CDH13: variants seen among roughly 807,000 people sequenced by gnomAD.
CDH13 encodes cadherin-13.
Under a neutral mutation model 63.8 loss-of-function variants are expected in CDH13, and 24 were observed. The observed-to-expected ratio is 0.38, with a 90% CI of 0.27 to 0.53. The LOEUF is 0.53. CDH13 is among the 20% of genes least tolerant of loss of function. The pLI, the probability that CDH13 is intolerant of heterozygous loss-of-function variation, is 0.85. For synonymous variants in CDH13, 503 were observed against 355.3 expected (o/e 1.42, Z -4.67); for missense variants, 1,049 against 903.1 (o/e 1.16, Z -2.07).
intron 8 of CDH13, among the ~76,000 whole-genome samples, chr16:83,617,660 A>G (rs1909408323): frequency 6.6e-6 from 1 of 151,402 alleles, no homozygotes; most frequent in African/African-American, 2.4e-5. Flanking sequence ...ACATATCCTA[A>G]TTTGCACATA....
chr16:83,218,025 A>G (rs2039591505), intron 5 of CDH13, among the ~76,000 whole-genome samples: 1 of 152,214 alleles, frequency 6.6e-6, no homozygotes, highest in Admixed American at 6.5e-5. Flanking sequence ...AAAACAACAT[A>G]CAGACACATA....
At chr16:83,055,665 A>C (rs1255715442) in intron 3 of CDH13, among the ~76,000 whole-genome samples, 1 of 152,074 alleles carries the variant, frequency 6.6e-6, no homozygotes, top group Admixed American at 6.5e-5. Context: ...ATTCCACCAA[A>C]CTTTTAAAGA....
intron 5 of CDH13, among the ~76,000 whole-genome samples, chr16:83,260,714 C>G (rs1906885539): frequency 1.3e-5 from 2 of 152,158 alleles, no homozygotes; most frequent in African/African-American, 4.8e-5. Context: ...CACCGACAGC[C>G]CCATCCAGTA....
intron 1 of CDH13, among the ~76,000 whole-genome samples, chr16:82,638,398 C>A (rs1441849638): frequency 1.3e-5 from 2 of 152,202 alleles, no homozygotes; most frequent in Non-Finnish European, 1.5e-5. Context: ...CATTTCCCTC[C>A]TTTTCTGTTT....
At chr16:82,797,148 A>G (rs553460251) in intron 1 of CDH13, among the ~76,000 whole-genome samples, 29 of 152,172 alleles carry the variant, frequency 1.9e-4, no homozygotes, top group Non-Finnish European at 4.1e-4. Flanking sequence ...ATAATGTTCA[A>G]TAGTTTTTCC....
chr16:83,349,839 T>A (rs1248882874), intron 6 of CDH13, among the ~76,000 whole-genome samples: 1 of 152,166 alleles, frequency 6.6e-6, no homozygotes, highest in African/African-American at 2.4e-5. Context: ...GACCTCAGGT[T>A]ATCCGCCCAC....
intron 6 of CDH13, among the ~76,000 whole-genome samples, chr16:83,390,827 G>A (rs906631507): frequency 6.6e-6 from 1 of 152,182 alleles, no homozygotes; most frequent in Non-Finnish European, 1.5e-5. Flanking sequence ...AGCAGGAGAA[G>A]GAAGAGCCTC....
intron 6 of CDH13, among the ~76,000 whole-genome samples, chr16:83,450,030 C>A (rs1164785004): frequency 6.6e-6 from 1 of 152,218 alleles, no homozygotes; most frequent in African/African-American, 2.4e-5. Flanking sequence ...CCGGGCCCAG[C>A]TGCTCATCAC....
At chr16:83,553,042 G>A (rs1211663965) in intron 7 of CDH13, among the ~76,000 whole-genome samples, 4 of 149,350 alleles carry the variant, frequency 2.7e-5, no homozygotes, top group South Asian at 2.1e-4. Context: ...TCGCGTCACT[G>A]CACCGTAGCC....
intron 7 of CDH13, among the ~76,000 whole-genome samples, chr16:83,505,152 T>G (rs1216685575): frequency 3.3e-5 from 5 of 152,204 alleles, no homozygotes; most frequent in Non-Finnish European, 7.3e-5. Flanking sequence ...TTGAATTTGG[T>G]GCTCTTATTT....
At chr16:82,951,766 T>C (rs1353267262) in intron 2 of CDH13, among the ~76,000 whole-genome samples, 2 of 152,134 alleles carry the variant, frequency 1.3e-5, no homozygotes, top group Admixed American at 6.5e-5. Context: ...CCTGGGGATT[T>C]TGATGAATAT....
chr16:83,486,379 G>A lies in CDH13; in HGVS notation c.782-98G>A, dbSNP rs1425679292. On this transcript the variant is annotated intron_variant, in intron 6 of 13. Transcript: ENST00000567109. ...TCTTTTTTAATTTGGAAAGTGATGG[G>A]CACACTGCTGCACTGCTATTGCCCA... is the stretch of plus-strand genomic sequence containing the variant. The A allele has an allele frequency of 5.6e-6, 5 of 899,166 alleles. No homozygotes were observed. The African/African-American group carries it at 6.6e-5, about 12-fold the overall frequency. The allele number at this position is 899,166 out of a possible 1,614,324, so 55.7% of individuals were successfully genotyped here. A position where few individuals can be genotyped will look rare whatever the true frequency, so the allele number is the denominator to read the frequency against.
chr16:83,317,840 C>T (rs1335054189), intron 5 of CDH13, among the ~76,000 whole-genome samples: 1 of 151,838 alleles, frequency 6.6e-6, no homozygotes, highest in Non-Finnish European at 1.5e-5. Context: ...CACATCAATG[C>T]TCCCCACTCC....
At chr16:82,879,934 T>C (rs1042540664) in intron 2 of CDH13, among the ~76,000 whole-genome samples, 13 of 130,202 alleles carry the variant, frequency 1.0e-4, no homozygotes, top group South Asian at 5.5e-4. Flanking sequence ...TAGAAATATA[T>C]AATATATATT....
chr16:83,688,329 C>T (rs966038877), intron 10 of CDH13, among the ~76,000 whole-genome samples: 3 of 152,216 alleles, frequency 2.0e-5, no homozygotes, highest in African/African-American at 7.2e-5. Context: ...CTGGCATTCT[C>T]AGAAACACAG....
chr16:83,352,735 A>G (rs900602001), intron 6 of CDH13, among the ~76,000 whole-genome samples: 1 of 152,144 alleles, frequency 6.6e-6, no homozygotes, highest in African/African-American at 2.4e-5. Context: ...CTAAAAATAC[A>G]AAAAATTAGC....
At chr16:82,734,696 C>T (rs1345570185) in intron 1 of CDH13, among the ~76,000 whole-genome samples, 2 of 152,222 alleles carry the variant, frequency 1.3e-5, no homozygotes, top group Non-Finnish European at 1.5e-5. Context: ...AGACCAATGG[C>T]AACCTTGGCC....
At chr16:83,068,227 T>C (rs1045306619) in intron 3 of CDH13, among the ~76,000 whole-genome samples, 1 of 152,194 alleles carries the variant, frequency 6.6e-6, no homozygotes, top group African/African-American at 2.4e-5. Context: ...CCAGACATCA[T>C]TCTAATCATT....
intron 3 of CDH13, among the ~76,000 whole-genome samples, chr16:83,065,743 C>G (rs896391107): frequency 3.1e-4 from 42 of 137,134 alleles, no homozygotes; most frequent in Non-Finnish European, 4.8e-4. Flanking sequence ...AAAAAAAAAA[C>G]AAGACTACTT....
Sources: allele counts gnomAD v4.1 joint callset (sites outside exome capture counted in the v4.1 genomes callset), GRCh38; gene constraint gnomAD v4.1.1; transcripts MANE v1.5; gene names NCBI Gene and HGNC (gene_info 2026-07-23, HGNC 2026-07-21).